Variants in GET4 observed in about 807,000 individuals in gnomAD.
GET4 encodes guided entry of tail-anchored proteins factor 4.
In GET4, 20 loss-of-function variants were observed where a neutral mutation model predicts 40.0. The observed-to-expected ratio is 0.50, with a 90% CI of 0.35 to 0.73. GET4 has a LOEUF of 0.73. Ranked by LOEUF, GET4 falls within the 30% of genes least tolerant of loss-of-function variation. The probability of loss-of-function intolerance (pLI) is 0.01; values close to 1 mark genes in which losing one functional copy is unlikely to be tolerated. For synonymous variants in GET4, 280 were observed against 194.6 expected, an observed-to-expected ratio of 1.44 and a Z score of -3.65; for missense variants, 557 against 454.0, an observed-to-expected ratio of 1.23 and a Z score of -2.06.
chr7:895,285 C>A, intron 8 of GET4, 49 bp from the exon 9 acceptor site: 1 of 891,644 alleles, frequency 1.1e-6, no homozygotes. Flanking sequence ...GGCTTGGGGG[C>A]CTGTGGGAGG....
intron 8 of GET4, among the ~76,000 whole-genome samples, 171 bp downstream of exon 8, chr7:894,142 G>C (rs908056799): frequency 5.9e-5 from 9 of 152,228 alleles, no homozygotes; most frequent in Non-Finnish European, 1.2e-4. Context: ...TCAGAGTTGA[G>C]AATTCTGGCA....
intron 5 of GET4, 45 bp downstream of exon 5, chr7:891,111 T>G: frequency 6.6e-7 from 1 of 1,513,292 alleles, no homozygotes; most frequent in Non-Finnish European, 9.0e-7. Context: ...ATTGCTGCCT[T>G]GGCTGGGCAG....
intron 1 of GET4, 109 bp downstream of exon 1, chr7:876,909 G>T: frequency 2.1e-6 from 1 of 484,072 alleles, no homozygotes; most frequent in South Asian, 8.4e-5. Flanking sequence ...GCCCGTCGCG[G>T]GGGCGAGCTG....
intron 1 of GET4, among the ~76,000 whole-genome samples, chr7:877,171 C>T (rs1416599761): frequency 6.6e-6 from 1 of 151,288 alleles, no homozygotes; most frequent in Non-Finnish European, 1.5e-5. Context: ...CTGTCTCTCT[C>T]CGGCCGCCTC....
chr7:893,367 T>C (rs59771864), intron 6 of GET4, among the ~76,000 whole-genome samples: 184 of 49,466 alleles, frequency 3.7e-3, no homozygotes, highest in Middle Eastern at 0.014. Context: ...GTGTTGGGTG[T>C]GGGCGTGGTG....
chr7:877,892 T>A, intron 1 of GET4: 1 of 60,380 alleles, frequency 1.7e-5, no homozygotes, highest in African/African-American at 7.2e-5. Flanking sequence ...TCTCCACCCC[T>A]CCGGGCCTGC....
chr7:895,340 T>G lies in GET4; in HGVS notation c.902T>G (p.Leu301Arg). 1 of 1,561,798 alleles carries G rather than the reference T, an allele frequency of 6.4e-7. No individual in the cohort carries two copies. The highest frequency in any genetic ancestry group is 8.8e-7 in the Non-Finnish European group (1 of 1,136,336). ...TSSYGGLLGN[L>R]LTSLMGSSEQ... ...ACGGTGTTCTTCTTTCCAGGGAACC[T>G]TCTGACCAGCCTCATGGGCTCCTCA... is the stretch of plus-strand genomic sequence containing the variant. The change falls in exon 9 of 9, where the codon CTT (leucine) becomes CGT (arginine). Residue 301 changes from leucine to arginine, a missense_variant. By Grantham distance (102) the Leu-to-Arg change is moderately radical. Transcript: ENST00000265857.
rs774983520 is a variant in GET4 at position 891,081 on chromosome 7, C to T, written c.605+15C>T. 6.4e-7 allele frequency: 1 copy of T among 1,568,468 alleles called. No homozygotes were observed. The highest frequency in any genetic ancestry group is 1.7e-4 in the Middle Eastern group (1 of 5,792). On this transcript the variant is annotated intron_variant, in intron 5 of 8. Coordinates refer to ENST00000265857, the MANE Select transcript of GET4 (RefSeq NM_015949.3). Reference sequence around the variant, plus strand: ...GCCGTGCTACAGTAGGTGTCTGTGGCTCTTCGGGTCTCGGCTTCCATTGCT... The same window carrying T: ...GCCGTGCTACAGTAGGTGTCTGTGGTTCTTCGGGTCTCGGCTTCCATTGCT...
At position 896,067 on chromosome 7, in the gene GET4, G is replaced by C. The variant is rs529686282; in HGVS notation, c.*645G>C. On this transcript the variant is annotated 3_prime_UTR_variant, in exon 9 of 9. Transcript: ENST00000265857. ...CCAGAGCTGCGCCCTGCTGGTCTCT[G>C]TGAGCGCCACGCTGCTGTGCTGGAA... 2 of 152,368 alleles carry C rather than the reference G, an allele frequency of 1.3e-5. No individual in the cohort carries two copies. Among genetic ancestry groups the C allele is most frequent in the Admixed American group, 6.5e-5 (1 of 15,312 alleles). The allele number at this position is 152,368 out of a possible 1,614,324, so 9.4% of individuals were successfully genotyped here.
chr7:884,219 TG>T, intron 1 of GET4: 1 of 1,303,956 alleles, frequency 7.7e-7, no homozygotes, highest in Non-Finnish European at 1.0e-6. Context: ...GTTCTGCCCG[TG>T]GCCCCACTGG....
At chr7:887,985 C>T (rs866926451) in intron 4 of GET4, among the ~76,000 whole-genome samples, 3 of 152,058 alleles carry the variant, frequency 2.0e-5, no homozygotes, top group East Asian at 3.9e-4. Flanking sequence ...AGCTCTGAGG[C>T]GGGAGTGGTG....
At chr7:888,547 C>A (rs1191603197) in intron 4 of GET4, among the ~76,000 whole-genome samples, 2 of 152,246 alleles carry the variant, frequency 1.3e-5, no homozygotes, top group Non-Finnish European at 2.9e-5. Context: ...CTCAGAGGAG[C>A]CTGGCGGAAC....
At chr7:894,252 C>G (rs1046798985) in intron 8 of GET4, among the ~76,000 whole-genome samples, 4 of 152,034 alleles carry the variant, frequency 2.6e-5, no homozygotes, top group African/African-American at 7.3e-5. Context: ...TGCGTGCTCC[C>G]CCGTCTCTCT....
intron 2 of GET4, 119 bp downstream of exon 2, chr7:886,253 G>T (rs999096570): frequency 1.7e-5 from 12 of 700,948 alleles, no homozygotes; most frequent in Non-Finnish European, 2.8e-5. Flanking sequence ...TCGGCCACTG[G>T]GGCTGTGGGT....
At chr7:879,022 G>A (rs568883378) in intron 1 of GET4, among the ~76,000 whole-genome samples, 1 of 152,148 alleles carries the variant, frequency 6.6e-6, no homozygotes, top group Non-Finnish European at 1.5e-5. Context: ...CTCACATCGG[G>A]GTGCATGCCT....
chr7:895,085 G>A (rs991105196), intron 8 of GET4, among the ~76,000 whole-genome samples: 1 of 151,828 alleles, frequency 6.6e-6, no homozygotes, highest in African/African-American at 2.4e-5. Context: ...CCCCGTTGGT[G>A]GACGTGGGAG....
At position 895,446 on chromosome 7, in the gene GET4, C is replaced by A. The variant is rs2272377; in HGVS notation, c.*24C>A. On this transcript the variant is annotated 3_prime_UTR_variant, in exon 9 of 9. Coordinates refer to ENST00000265857, the MANE Select transcript of GET4 (RefSeq NM_015949.3). ...GAACTGGCCAGGCCACGTGGAGACACCACGGTCGACGACGGCTGGAGGGAC... is the reference window on the plus strand; with the variant it reads ...GAACTGGCCAGGCCACGTGGAGACAACACGGTCGACGACGGCTGGAGGGAC... The A allele has an allele frequency of 1.6e-6, 2 of 1,286,462 alleles. No homozygotes were observed. Among genetic ancestry groups the A allele is most frequent in the South Asian group, 1.2e-5 (1 of 82,198 alleles). 79.7% of individuals were successfully genotyped at this position (1,286,462 alleles called of 1,614,324 possible). A position where few individuals can be genotyped will look rare whatever the true frequency, so the allele number is the denominator to read the frequency against.
At position 883,477 on chromosome 7, in the gene GET4, T is replaced by G. The variant is rs551148395; in HGVS notation, c.156-2579T>G. The G allele has an allele frequency of 4.4e-5, 43 of 982,680 alleles. No homozygotes were observed. The African/African-American group carries it at 7.3e-4, about 17-fold the overall frequency. The allele number at this position is 982,680 out of a possible 1,614,324, so 60.9% of individuals were successfully genotyped here. On this transcript the variant is annotated intron_variant, in intron 1 of 8. Coordinates refer to ENST00000265857, the MANE Select transcript of GET4 (RefSeq NM_015949.3). ...CGTTTCTGTGTTCTGCTTTTTAATG[T>G]TTTTGTAAGAGAAGAGCAAAATCAG...
At chr7:892,223 C>G (rs777212450) in intron 5 of GET4, 55 bp from the exon 6 acceptor site, 2 of 1,563,074 alleles carry the variant, frequency 1.3e-6, no homozygotes, top group East Asian at 2.3e-5. Context: ...GGCGCCTGTG[C>G]GGGCAGAAGC....
Sources: allele counts gnomAD v4.1 joint callset (sites outside exome capture counted in the v4.1 genomes callset), GRCh38; gene constraint gnomAD v4.1.1; transcripts MANE v1.5; gene names NCBI Gene and HGNC (gene_info 2026-07-23, HGNC 2026-07-21).